The following ACSM5 variants were observed in gnomAD, a reference collection of about 807,000 sequenced individuals.
ACSM5 encodes the protein acyl-coenzyme A synthetase ACSM5, mitochondrial.
ACSM5 carries 56 observed loss-of-function variants against 71.6 expected under a neutral mutation model. The ratio of observed to expected loss-of-function variants is 0.78; its 90% CI spans 0.63 to 0.98. The LOEUF (loss-of-function observed/expected upper bound fraction) is 0.98, where lower values mean the gene tolerates loss of function less well. Among genes scored for constraint, ACSM5 ranks in the 50% least tolerant of loss-of-function variants. The pLI is 0.00. For synonymous variants in ACSM5, 285 were observed against 281.5 expected (o/e 1.01, Z -0.12); for missense variants, 723 against 726.0 (o/e 1.00, Z 0.05).
At chr16:20,429,613 G>C (rs1215715758) in intron 7 of ACSM5, 65 bp from the exon 8 acceptor site, 6 of 1,604,218 alleles carry the variant, frequency 3.7e-6, no homozygotes, top group African/African-American at 1.3e-5. Context: ...CTGGGCAGTG[G>C]CACCAGAGGG....
At chr16:20,427,672 C>G (rs1282484896) in intron 6 of ACSM5, 116 bp from the exon 7 acceptor site, 2 of 762,234 alleles carry the variant, frequency 2.6e-6, no homozygotes, top group Admixed American at 1.8e-5. Context: ...GGATTCCACA[C>G]ATAGTTTTCA....
intron 10 of ACSM5, among the ~76,000 whole-genome samples, chr16:20,436,127 T>G (rs1334521080): frequency 1.4e-5 from 2 of 143,814 alleles, no homozygotes; most frequent in African/African-American, 5.3e-5. Flanking sequence ...TTTCTTTCCT[T>G]CCTTCCTTTC....
intron 11 of ACSM5, 22 bp downstream of exon 11, chr16:20,437,201 T>G (rs370847569): frequency 1.6e-4 from 261 of 1,613,936 alleles, no homozygotes; most frequent in Non-Finnish European, 2.1e-4. Flanking sequence ...TGCACTTTCC[T>G]CCTTCCTTTG....
chr16:20,426,141 T>C (rs1966973433), intron 6 of ACSM5, among the ~76,000 whole-genome samples: 1 of 152,238 alleles, frequency 6.6e-6, no homozygotes, highest in Non-Finnish European at 1.5e-5. Context: ...AGTAAGCTGG[T>C]ATCACATGGT....
rs760046765 is a variant in ACSM5, at chr16:20,427,786, A to G, written c.922-2A>G. Reference sequence around the variant, plus strand: ...CATCTTTCACCCTTTGTTTTTGTTTAGACTCTCTCCAAATTCCCGATAACC... The same window carrying G: ...CATCTTTCACCCTTTGTTTTTGTTTGGACTCTCTCCAAATTCCCGATAACC... On this transcript the variant is annotated splice_acceptor_variant, in intron 6 of 13. Transcript: ENST00000331849. LOFTEE classifies it high-confidence loss of function. The G allele has an allele frequency of 1.9e-6, 3 of 1,610,316 alleles. No homozygotes were observed. Among genetic ancestry groups the G allele is most frequent in the Non-Finnish European group, 2.5e-6 (3 of 1,176,602 alleles).
At chr16:20,435,673 T>G (rs1273913830) in intron 10 of ACSM5, among the ~76,000 whole-genome samples, 2 of 152,194 alleles carry the variant, frequency 1.3e-5, no homozygotes, top group Non-Finnish European at 2.9e-5. Context: ...ATATAATAAT[T>G]TTGCATTTTT....
rs1413087897 is a variant in ACSM5 at position 20,436,076 on chromosome 16, TCTTC to T, written c.1309-964_1309-961del. Among the ~76,000 whole-genome samples the T allele has an allele frequency of 4.9e-3, 719 of 147,740 alleles. 7 individuals are homozygous for T. Among genetic ancestry groups the T allele is most frequent in the African/African-American group, 0.017 (677 of 39,266 alleles). On this transcript the variant is annotated intron_variant, in intron 10 of 13. Coordinates refer to ENST00000331849, the MANE Select transcript of ACSM5 (RefSeq NM_017888.3). ...CTTTCTCTTTTCCTTCATTCCTTCT[TCTTC>T]CTTCCTTCCTTTTCTCTTTCTTTCT...
At chr16:20,413,394 G>A (rs1254183363) in intron 2 of ACSM5, among the ~76,000 whole-genome samples, 1 of 152,172 alleles carries the variant, frequency 6.6e-6, no homozygotes, top group African/African-American at 2.4e-5. Flanking sequence ...AAGAACTGTT[G>A]TTATTTGAGC....
intron 5 of ACSM5, 25 bp downstream of exon 5, chr16:20,421,426 A>G: frequency 1.9e-6 from 3 of 1,543,592 alleles, no homozygotes; most frequent in Non-Finnish European, 2.6e-6. Context: ...TGTCTAGAGG[A>G]TCCAAGAACA....
chr16:20,418,035 T>C (rs369320594), intron 2 of ACSM5, 24 bp from the exon 3 acceptor site: 1 of 1,590,824 alleles, frequency 6.3e-7, no homozygotes, highest in South Asian at 1.1e-5. Flanking sequence ...GCTTCTTTTT[T>C]TTTCTGCCTG....
chr16:20,436,263 G>A (rs866539883), intron 10 of ACSM5, among the ~76,000 whole-genome samples: 494 of 33,254 alleles, frequency 0.015, 2 homozygotes, highest in Middle Eastern at 0.15. Context: ...CTCCCCTCCC[G>A]TCCCCTCCCC....
At chr16:20,437,400 C>G in intron 12 of ACSM5, 33 bp downstream of exon 12, 1 of 1,447,828 alleles carries the variant, frequency 6.9e-7, no homozygotes, top group Non-Finnish European at 9.7e-7. Context: ...TGGCCTCCTG[C>G]TTCTGTACCT....
intron 4 of ACSM5, chr16:20,419,698 C>G (rs1016494894): frequency 2.0e-6 from 1 of 507,640 alleles, no homozygotes; most frequent in Non-Finnish European, 3.6e-6. Flanking sequence ...AGCTACCATT[C>G]AGAGTACATG....
At chr16:20,435,333 G>A (rs558714530) in intron 10 of ACSM5, among the ~76,000 whole-genome samples, 2 of 152,206 alleles carry the variant, frequency 1.3e-5, no homozygotes, top group East Asian at 1.9e-4. Context: ...GCACCAGGCC[G>A]ATTAAGTCTT....
chr16:20,431,149 T>C (rs1165584748), intron 9 of ACSM5, 71 bp from the exon 10 acceptor site: 9 of 1,591,134 alleles, frequency 5.7e-6, no homozygotes, highest in Middle Eastern at 1.7e-4. Context: ...TGGCACGGGC[T>C]GCTGGGCTGC....
At chr16:20,422,754 C>G (rs1314270440) in intron 5 of ACSM5, among the ~76,000 whole-genome samples, 2 of 152,058 alleles carry the variant, frequency 1.3e-5, no homozygotes, top group Middle Eastern at 3.2e-3. Flanking sequence ...TGGTAGCTTG[C>G]CCGGGGAGCA....
At position 20,419,314 on chromosome 16, in the gene ACSM5, A is replaced by C; in HGVS notation, c.502A>C (p.Thr168Pro). 2 of 1,614,058 alleles carry C rather than the reference A, an allele frequency of 1.2e-6. No homozygotes were observed. The highest frequency in any genetic ancestry group is 8.5e-7 in the Non-Finnish European group (1 of 1,180,006). The change falls in exon 4 of 14, where the codon ACC becomes CCC. Residue 168 changes from threonine (T) to proline (P), a missense_variant. Transcript: ENST00000331849. ...LQASRAKSII[T>P]SDSLAPRVDA... The stretch of plus-strand genomic sequence containing the variant: ...GGCGTCCAGGGCCAAGTCCATTATC[A>C]CCAGTGACTCCCTAGCTCCAAGGGT...
At chr16:20,435,907 A>T (rs7498484) in intron 10 of ACSM5, among the ~76,000 whole-genome samples, 66,138 of 148,076 alleles carry the variant, frequency 0.45, 15,468 homozygotes, top group East Asian at 0.77. Flanking sequence ...CCCTTCTCCC[A>T]CCCTCCCTTT....
intron 2 of ACSM5, among the ~76,000 whole-genome samples, chr16:20,413,243 A>G (rs1345420106): frequency 3.3e-5 from 5 of 152,202 alleles, no homozygotes; most frequent in Admixed American, 6.5e-5. Context: ...AGCAGGATTA[A>G]GTCAGGAAAA....
Sources: gnomAD v4.1 joint callset for allele counts (sites outside exome capture counted in the v4.1 genomes callset) on GRCh38, gnomAD v4.1.1 for gene constraint, MANE v1.5 for transcripts, NCBI Gene and HGNC (gene_info 2026-07-23, HGNC 2026-07-21) for gene names.